Variants in BAZ1B observed in about 807,000 individuals in gnomAD.
BAZ1B encodes tyrosine-protein kinase BAZ1B.
Under a neutral mutation model 153.8 loss-of-function variants are expected in BAZ1B, and 22 were observed. That is an observed-to-expected ratio of 0.14 (90% CI 0.10 to 0.20). BAZ1B has a LOEUF of 0.20. Among genes scored for constraint, BAZ1B ranks in the 10% least tolerant of loss-of-function variants. The pLI is 1.00. For synonymous variants in BAZ1B, 676 were observed against 633.4 expected (o/e 1.07, Z -1.01); for missense variants, 1,325 against 1,799.3 (o/e 0.74, Z 4.77).
chr7:73,500,487 G>A (rs1790082954), intron 3 of BAZ1B, among the ~76,000 whole-genome samples: 1 of 152,080 alleles, frequency 6.6e-6, no homozygotes, highest in South Asian at 2.1e-4. Flanking sequence ...AAGAAGAAGG[G>A]AGTTATGATT....
intron 4 of BAZ1B, among the ~76,000 whole-genome samples, chr7:73,496,572 A>G (rs1482840755): frequency 6.6e-6 from 1 of 152,194 alleles, no homozygotes; most frequent in Non-Finnish European, 1.5e-5. Flanking sequence ...ACATTTTTGG[A>G]GACAACAATA....
chr7:73,498,457 G>A (rs1554576643), intron 4 of BAZ1B, 40 bp downstream of exon 4: 2 of 1,562,692 alleles, frequency 1.3e-6, no homozygotes, highest in Admixed American at 3.4e-5. Context: ...AAATAAACAG[G>A]ATCTCATAAA....
chr7:73,478,023 C>T lies in BAZ1B; in HGVS notation c.1438G>A (p.Ala480Thr). 5.6e-6 allele frequency: 9 copies of T among 1,614,044 alleles called. No individual in the cohort carries two copies. The highest frequency in any genetic ancestry group is 7.6e-6 in the Non-Finnish European group (9 of 1,179,990). ...HLPPAALHLI[A>T]YYKENKDRED... ...CTGTCTTTGTTTTCTTTGTAGTATGCAATGAGGTGTAGGGCTGCAGGAGGC... is the reference window on the plus strand; with the variant it reads ...CTGTCTTTGTTTTCTTTGTAGTATGTAATGAGGTGTAGGGCTGCAGGAGGC... The change falls in exon 7 of 20, where the codon GCA becomes ACA. Residue 480 changes from alanine (A) to threonine (T), a missense_variant. By Grantham distance (58) the Ala-to-Thr change is moderately conservative. Transcript: ENST00000339594.
intron 16 of BAZ1B, among the ~76,000 whole-genome samples, chr7:73,446,822 G>GCA (rs1381288598): frequency 6.6e-6 from 1 of 152,186 alleles, no homozygotes; most frequent in Non-Finnish European, 1.5e-5. Flanking sequence ...CTATAACCCT[G>GCA]CACACTGCAG....
intron 3 of BAZ1B, among the ~76,000 whole-genome samples, chr7:73,506,652 G>C (rs1790354851): frequency 6.6e-6 from 1 of 150,718 alleles, no homozygotes; most frequent in South Asian, 2.1e-4. Context: ...GAGAGTTCAA[G>C]ACCAGCCTGA....
chr7:73,511,343 T>C (rs1326935737), intron 1 of BAZ1B, among the ~76,000 whole-genome samples: 4 of 151,624 alleles, frequency 2.6e-5, no homozygotes, highest in African/African-American at 7.3e-5. Context: ...TGAAGTATAA[T>C]GAGAATGGAT....
chr7:73,443,872 G>A, intron 17 of BAZ1B, 112 bp downstream of exon 17: 1 of 1,521,242 alleles, frequency 6.6e-7, no homozygotes, highest in Non-Finnish European at 9.0e-7. Context: ...AGTTTGGTAA[G>A]AAGGAGGAGG....
chr7:73,488,730 AC>A lies in BAZ1B; in HGVS notation c.891+463del, dbSNP rs1288705990. ...ACTCCAACTCAAAAAAAAAAAAAAA[AC>A]AAAAAAAACTTACTCTTCAAGAGGA... On this transcript the variant is annotated intron_variant, in intron 6 of 19. Coordinates refer to ENST00000339594, the MANE Select transcript of BAZ1B (RefSeq NM_032408.4). 1.5e-4 allele frequency among the ~76,000 whole-genome samples: 23 copies of A among 151,168 alleles called. 1 individual carries two copies. Among genetic ancestry groups the A allele is most frequent in the Admixed American group, 2.6e-4 (4 of 15,166 alleles).
At chr7:73,493,890 G>A (rs937122537) in intron 4 of BAZ1B, among the ~76,000 whole-genome samples, 1 of 150,982 alleles carries the variant, frequency 6.6e-6, no homozygotes, top group Non-Finnish European at 1.5e-5. Context: ...GACCTGTTCA[G>A]AGATTGCAGA....
At chr7:73,495,954 A>G (rs1268866497) in intron 4 of BAZ1B, among the ~76,000 whole-genome samples, 2 of 152,206 alleles carry the variant, frequency 1.3e-5, no homozygotes, top group Non-Finnish European at 2.9e-5. Context: ...AAGCCCTATG[A>G]CACAAGTTTA....
intron 5 of BAZ1B, among the ~76,000 whole-genome samples, chr7:73,492,312 G>A (rs563966123): frequency 2.8e-4 from 42 of 152,212 alleles, no homozygotes; most frequent in African/African-American, 9.2e-4. Flanking sequence ...ACATGCGCCC[G>A]CCACCACGCC....
At chr7:73,507,279 T>G (rs79862839) in intron 3 of BAZ1B, 1 of 152,048 alleles carries the variant, frequency 6.6e-6, no homozygotes. Context: ...ATTGCATGGG[T>G]TGGGCACAGT....
intron 6 of BAZ1B, 75 bp from the exon 7 acceptor site, chr7:73,478,644 G>C: frequency 2.4e-6 from 3 of 1,242,090 alleles, no homozygotes; most frequent in Non-Finnish European, 3.3e-6. Context: ...GCATCTTAAA[G>C]GCCCTCTTCC....
In BAZ1B at chr7:73,440,701, G is replaced by A. The variant is rs1336095845; in HGVS notation, c.*1008C>T. The A allele has an allele frequency of 2.6e-5, 4 of 152,398 alleles. No homozygotes were observed. The highest frequency in any genetic ancestry group is 4.4e-5 in the Non-Finnish European group (3 of 68,042). The allele number at this position is 152,398 out of a possible 1,614,324, so 9.4% of individuals were successfully genotyped here. ...CAGCAGCCCTGGAGCAATCCTCGTC[G>A]TCCTTGGGCAGGAGGACGGAGGAAG... On this transcript the variant is annotated 3_prime_UTR_variant, in exon 20 of 20. Transcript: ENST00000339594.
intron 3 of BAZ1B, among the ~76,000 whole-genome samples, chr7:73,502,682 G>T (rs142924265): frequency 0.011 from 1,709 of 152,292 alleles, 37 homozygotes; most frequent in African/African-American, 0.04. Flanking sequence ...GGAGATTGAG[G>T]TGGGAGGATG....
At chr7:73,495,910 C>T (rs985126819) in intron 4 of BAZ1B, among the ~76,000 whole-genome samples, 2 of 152,184 alleles carry the variant, frequency 1.3e-5, no homozygotes, top group Admixed American at 1.3e-4. Context: ...CTAGGCTTAA[C>T]ACTTGGGTGA....
intron 12 of BAZ1B, among the ~76,000 whole-genome samples, chr7:73,461,941 G>A (rs1788410316): frequency 6.6e-6 from 1 of 152,184 alleles, no homozygotes; most frequent in Non-Finnish European, 1.5e-5. Context: ...TTTTCCATGT[G>A]TTTGTGTGTC....
chr7:73,442,730 G>C lies in BAZ1B; in HGVS notation c.4089C>G (p.Pro1363=). The change falls in exon 18 of 20, where the codon CCC becomes CCG. Residue 1363 remains proline (P), a synonymous_variant. Coordinates refer to ENST00000339594, the MANE Select transcript of BAZ1B (RefSeq NM_032408.4). ...CCTGAGAACACAGCACTCACCTGAA[G>C]GGCCAGCTGAAGCGGTACTTCACGA... is the stretch of plus-strand genomic sequence containing the variant. ...HKIVKYRFSW[P]FREPVTRDEA... 6.2e-7 allele frequency: 1 copy of C among 1,613,968 alleles called. No homozygotes were observed. Among genetic ancestry groups the C allele is most frequent in the Non-Finnish European group, 8.5e-7 (1 of 1,179,918 alleles).
Position 73,522,137 on chromosome 7 carries a change from C to T in BAZ1B, c.-204G>A, listed in dbSNP as rs1226961782. ...GCGGAACGCCACGGCGCAGAGCTCC[C>T]GCGCACACCGCCGCGCCTCCCAGCA... On this transcript the variant is annotated 5_prime_UTR_variant, in exon 1 of 20. Coordinates refer to ENST00000339594, the MANE Select transcript of BAZ1B (RefSeq NM_032408.4). 7.5e-6 allele frequency: 3 copies of T among 402,478 alleles called. No homozygotes were observed. Among genetic ancestry groups the T allele is most frequent in the Non-Finnish European group, 8.7e-6 (2 of 230,380 alleles). The allele number at this position is 402,478 out of a possible 1,614,324, so 24.9% of individuals were successfully genotyped here.
Sources: allele counts gnomAD v4.1 joint callset (sites outside exome capture counted in the v4.1 genomes callset), GRCh38; gene constraint gnomAD v4.1.1; transcripts MANE v1.5; gene names NCBI Gene and HGNC (gene_info 2026-07-23, HGNC 2026-07-21).